The following DSCAM variants were observed in gnomAD, a reference collection of about 807,000 sequenced individuals.
The protein encoded by DSCAM is DS cell adhesion molecule.
A neutral mutation model predicts 217.7 loss-of-function variants in DSCAM; 47 were observed. The observed-to-expected ratio is 0.22, with a 90% CI of 0.17 to 0.28. DSCAM has a LOEUF of 0.28. DSCAM is among the 10% of genes least tolerant of loss of function. The pLI, the probability that DSCAM is intolerant of heterozygous loss-of-function variation, is 1.00. For synonymous variants in DSCAM, 1,056 were observed against 1,015.3 expected (o/e 1.04, Z -0.76); for missense variants, 2,080 against 2,618.3 (o/e 0.79, Z 4.49).
intron 1 of DSCAM, among the ~76,000 whole-genome samples, chr21:40,755,977 A>G (rs967464837): frequency 1.3e-5 from 2 of 152,244 alleles, no homozygotes; most frequent in African/African-American, 4.8e-5. Flanking sequence ...ATTAAAACAG[A>G]TAGCACTTAT....
At chr21:40,279,468 G>A (rs982426767) in intron 10 of DSCAM, among the ~76,000 whole-genome samples, 2 of 152,220 alleles carry the variant, frequency 1.3e-5, no homozygotes. Flanking sequence ...TAAAAAGTCA[G>A]GAAACAACAG....
intron 1 of DSCAM, among the ~76,000 whole-genome samples, chr21:40,781,817 A>T (rs1372506940): frequency 6.6e-6 from 1 of 152,008 alleles, no homozygotes; most frequent in Non-Finnish European, 1.5e-5. Flanking sequence ...TTAAATGGTC[A>T]AGCTACTGCA....
intron 20 of DSCAM, among the ~76,000 whole-genome samples, chr21:40,099,340 G>A (rs1281158318): frequency 2.6e-5 from 4 of 152,110 alleles, no homozygotes; most frequent in African/African-American, 9.7e-5. Flanking sequence ...GACTAATCAA[G>A]AATTGAAGTA....
chr21:40,424,865 G>A (rs1428001909), intron 3 of DSCAM, among the ~76,000 whole-genome samples: 1 of 152,028 alleles, frequency 6.6e-6, no homozygotes, highest in Non-Finnish European at 1.5e-5. Context: ...AGGACAAGGT[G>A]GGCAGATCAC....
chr21:40,634,546 A>G (rs2089731003), intron 3 of DSCAM, among the ~76,000 whole-genome samples: 1 of 152,224 alleles, frequency 6.6e-6, no homozygotes, highest in Non-Finnish European at 1.5e-5. Flanking sequence ...ATGCAACACG[A>G]TGGCCATACT....
At chr21:40,051,211 A>T (rs2088925567) in intron 30 of DSCAM, among the ~76,000 whole-genome samples, 3 of 152,252 alleles carry the variant, frequency 2.0e-5, no homozygotes. Flanking sequence ...GATAATAATC[A>T]GGACATCAAT....
chr21:40,243,293 T>C (rs992494194), intron 11 of DSCAM, among the ~76,000 whole-genome samples: 1 of 152,200 alleles, frequency 6.6e-6, no homozygotes, highest in Non-Finnish European at 1.5e-5. Context: ...AAAAATAAAA[T>C]TTCAGTCTTT....
At chr21:40,475,130 G>A (rs1199176366) in intron 3 of DSCAM, among the ~76,000 whole-genome samples, 1 of 152,228 alleles carries the variant, frequency 6.6e-6, no homozygotes, top group Non-Finnish European at 1.5e-5. Context: ...CCTTCAGACT[G>A]TCGTGCGCAA....
chr21:40,172,212 T>G (rs2090666656), intron 15 of DSCAM, among the ~76,000 whole-genome samples: 1 of 152,186 alleles, frequency 6.6e-6, no homozygotes, highest in Admixed American at 6.5e-5. Flanking sequence ...GAGGTTGTAG[T>G]GAGCTGAGAT....
At chr21:40,404,455 G>A (rs557790818) in intron 3 of DSCAM, among the ~76,000 whole-genome samples, 2 of 152,182 alleles carry the variant, frequency 1.3e-5, no homozygotes, top group Non-Finnish European at 2.9e-5. Context: ...GGGCAGAAGA[G>A]CAAACATTAA....
chr21:40,220,556 T>C (rs1258696665), intron 11 of DSCAM, among the ~76,000 whole-genome samples: 1 of 152,208 alleles, frequency 6.6e-6, no homozygotes, highest in Non-Finnish European at 1.5e-5. Context: ...GGTACATAAA[T>C]AGACTATAAA....
chr21:40,623,844 T>C (rs1248397723), intron 3 of DSCAM, among the ~76,000 whole-genome samples: 3 of 152,222 alleles, frequency 2.0e-5, no homozygotes, highest in Admixed American at 6.5e-5. Flanking sequence ...CTTTAAGGGA[T>C]AGTCACTGGG....
At chr21:40,187,751 G>T in intron 13 of DSCAM, 140 bp downstream of exon 13, 1 of 797,706 alleles carries the variant, frequency 1.3e-6, no homozygotes, top group Non-Finnish European at 2.1e-6. Context: ...CTTTAGCACT[G>T]ACATTATACA....
chr21:40,089,304 C>T (rs1333545909), intron 21 of DSCAM, among the ~76,000 whole-genome samples: 1 of 152,220 alleles, frequency 6.6e-6, no homozygotes, highest in Admixed American at 6.5e-5. Context: ...CAGGTTCCCA[C>T]CACAGCCTTG....
intron 6 of DSCAM, among the ~76,000 whole-genome samples, chr21:40,344,184 C>T (rs924315021): frequency 1.3e-4 from 20 of 152,060 alleles, no homozygotes; most frequent in African/African-American, 4.3e-4. Context: ...CAGGCGTGAG[C>T]GACAGCACAT....
At chr21:40,138,596 G>A (rs1402199118) in intron 18 of DSCAM, among the ~76,000 whole-genome samples, 3 of 141,372 alleles carry the variant, frequency 2.1e-5, no homozygotes, top group Non-Finnish European at 3.1e-5. Context: ...GGTATGTGGT[G>A]TAGGTGAGGT....
intron 1 of DSCAM, among the ~76,000 whole-genome samples, chr21:40,815,969 C>T (rs1388581939): frequency 1.3e-5 from 2 of 152,192 alleles, no homozygotes; most frequent in Non-Finnish European, 2.9e-5. Context: ...TTGTGGTTGT[C>T]ACCACAGATG....
At chr21:40,667,003 C>T (rs1222797362) in intron 3 of DSCAM, among the ~76,000 whole-genome samples, 1 of 152,202 alleles carries the variant, frequency 6.6e-6, no homozygotes, top group Non-Finnish European at 1.5e-5. Context: ...TTTCTAGAAG[C>T]TGCTTCATGT....
chr21:40,636,951 A>T (rs956074084), intron 3 of DSCAM, among the ~76,000 whole-genome samples: 2 of 149,960 alleles, frequency 1.3e-5, no homozygotes, highest in African/African-American at 4.9e-5. Flanking sequence ...TCATCTCAGC[A>T]CTATCTCTGT....
Sources: gnomAD v4.1 joint callset for allele counts (sites outside exome capture counted in the v4.1 genomes callset) on GRCh38, gnomAD v4.1.1 for gene constraint, MANE v1.5 for transcripts, NCBI Gene and HGNC (gene_info 2026-07-23, HGNC 2026-07-21) for gene names.